Variants in ATOX1 observed in about 807,000 individuals in gnomAD.
ATOX1 encodes antioxidant 1 copper chaperone, also known as copper transport protein ATOX1.
Under a neutral mutation model 7.3 loss-of-function variants are expected in ATOX1, and 4 were observed. The ratio of observed to expected loss-of-function variants is 0.55; its 90% CI spans 0.27 to 1.25. The LOEUF (loss-of-function observed/expected upper bound fraction) is 1.25. Ranked by LOEUF, ATOX1 falls within the 50% of genes most tolerant of loss-of-function variation. The pLI is 0.12. For synonymous variants in ATOX1, 25 were observed against 28.7 expected (o/e 0.87, Z 0.41); for missense variants, 68 against 81.6 (o/e 0.83, Z 0.64).
rs1171452597 is a variant in ATOX1, at chr5:151,758,567, G to A, written c.-16C>T. 7 of 1,415,916 alleles carry A rather than the reference G, an allele frequency of 4.9e-6. No homozygotes were observed. Among genetic ancestry groups the A allele is most frequent in the Non-Finnish European group, 6.5e-6 (7 of 1,078,726 alleles). 87.7% of individuals were successfully genotyped at this position (1,415,916 alleles called of 1,614,324 possible). Reference sequence around the variant, plus strand: ...TCACCGGCATGACTGAGGCAGCGGCGGTGTGGCGGCGGTGTGGCGGCGGTG... The same window carrying A: ...TCACCGGCATGACTGAGGCAGCGGCAGTGTGGCGGCGGTGTGGCGGCGGTG... On this transcript the variant is annotated 5_prime_UTR_variant, in exon 1 of 4. Transcript: ENST00000313115.
intron 1 of ATOX1, among the ~76,000 whole-genome samples, chr5:151,757,856 A>G (rs1309937026): frequency 6.6e-6 from 1 of 152,198 alleles, no homozygotes; most frequent in African/African-American, 2.4e-5. Flanking sequence ...TCTTTATATA[A>G]AAAACGAGGC....
chr5:151,746,620 T>C (rs1761882652), intron 2 of ATOX1, 171 bp from the exon 3 acceptor site: 1 of 743,150 alleles, frequency 1.3e-6, no homozygotes, highest in Non-Finnish European at 2.2e-6. Context: ...GTTTTAGGCA[T>C]TGTGGGTCAC....
At chr5:151,756,177 T>G (rs1240599325) in intron 1 of ATOX1, among the ~76,000 whole-genome samples, 1 of 152,014 alleles carries the variant, frequency 6.6e-6, no homozygotes, top group South Asian at 2.1e-4. Flanking sequence ...GTCCTGACTT[T>G]GTGATCTGCC....
At chr5:151,752,524 C>T (rs564123291) in intron 1 of ATOX1, 1 of 605,546 alleles carries the variant, frequency 1.7e-6, no homozygotes, top group East Asian at 2.8e-5. Flanking sequence ...CAGTTCACTA[C>T]TGGATTCCTA....
chr5:151,754,495 C>T (rs1199280552), intron 1 of ATOX1, among the ~76,000 whole-genome samples: 3 of 152,022 alleles, frequency 2.0e-5, no homozygotes, highest in Non-Finnish European at 4.4e-5. Context: ...TGCCTGTAAT[C>T]CCAGCTACTT....
At chr5:151,752,857 C>T (rs929763841) in intron 1 of ATOX1, among the ~76,000 whole-genome samples, 7 of 152,024 alleles carry the variant, frequency 4.6e-5, no homozygotes, top group African/African-American at 9.7e-5. Context: ...ATTTTAAGTA[C>T]GGTTAGCCAG....
intron 1 of ATOX1, chr5:151,752,282 T>C (rs192668651): frequency 1.4e-6 from 1 of 702,484 alleles, no homozygotes; most frequent in South Asian, 1.5e-5. Context: ...GAATCTGTTA[T>C]GTCTACTCAT....
intron 2 of ATOX1, among the ~76,000 whole-genome samples, chr5:151,750,089 G>C (rs532900890): frequency 2.6e-5 from 4 of 152,126 alleles, no homozygotes; most frequent in Non-Finnish European, 5.9e-5. Context: ...AAAAAGAAAA[G>C]AAAAAATCTT....
intron 1 of ATOX1, among the ~76,000 whole-genome samples, chr5:151,758,280 T>G (rs1762039991): frequency 6.6e-6 from 1 of 152,246 alleles, no homozygotes. Flanking sequence ...TGTTTCTCTG[T>G]GTACGCAGGG....
At chr5:151,754,091 A>G (rs1474855642) in intron 1 of ATOX1, 1 of 152,240 alleles carries the variant, frequency 6.6e-6, no homozygotes, top group Admixed American at 6.5e-5. Flanking sequence ...ACAGACAGCA[A>G]CAATAACAGA....
At chr5:151,746,974 T>A (rs1193325697) in intron 2 of ATOX1, among the ~76,000 whole-genome samples, 3 of 152,078 alleles carry the variant, frequency 2.0e-5, no homozygotes, top group African/African-American at 7.2e-5. Flanking sequence ...TCTCAAGTGA[T>A]CTGCCCGCCT....
rs1478422220 is a variant in ATOX1 at position 151,743,174 on chromosome 5, A to T, written c.*47-215T>A. ...CCAGCCCTGCACACTGCTCCCATGA[A>T]GTCTGTTATACTTAGGTTGGCTGGA... On this transcript the variant is annotated intron_variant, in intron 3 of 3. Coordinates refer to ENST00000313115, the MANE Select transcript of ATOX1 (RefSeq NM_004045.4). 3 of 152,238 alleles carry T rather than the reference A, an allele frequency of 2.0e-5. No homozygotes were observed. The East Asian group carries it at 5.8e-4, about 29-fold the overall frequency. The allele number at this position is 152,238 out of a possible 1,614,324, so 9.4% of individuals were successfully genotyped here. A position where few individuals can be genotyped will look rare whatever the true frequency, so the allele number is the denominator to read the frequency against.
At chr5:151,750,420 C>T (rs937434658) in intron 2 of ATOX1, among the ~76,000 whole-genome samples, 3 of 150,724 alleles carry the variant, frequency 2.0e-5, no homozygotes, top group African/African-American at 7.3e-5. Context: ...CACCGGAAAT[C>T]GCCTGAACCC....
chr5:151,756,004 C>T (rs559837525), intron 1 of ATOX1, among the ~76,000 whole-genome samples: 12 of 148,254 alleles, frequency 8.1e-5, no homozygotes, highest in East Asian at 2.0e-4. Flanking sequence ...TGCAGTGGCA[C>T]GATCTCAGCT....
intron 2 of ATOX1, among the ~76,000 whole-genome samples, chr5:151,750,399 G>C (rs1204275365): frequency 1.3e-5 from 2 of 150,960 alleles, no homozygotes; most frequent in African/African-American, 4.9e-5. Flanking sequence ...TCTATGAAAA[G>C]TACAAAAATT....
chr5:151,748,408 CTG>C (rs1761904275), intron 2 of ATOX1, among the ~76,000 whole-genome samples: 1 of 152,076 alleles, frequency 6.6e-6, no homozygotes, highest in Admixed American at 6.6e-5. Context: ...TGCCATCAGT[CTG>C]TGATTCCTCA....
At chr5:151,743,108 C>T (rs1401039581) in intron 3 of ATOX1, 149 bp from the exon 4 acceptor site, 3 of 152,356 alleles carry the variant, frequency 2.0e-5, no homozygotes, top group South Asian at 2.1e-4. Context: ...AGGTGGAAAA[C>T]GCAGGGTGCA....
chr5:151,750,644 C>CTTTTTTTTTTTTTT (rs34586233), intron 2 of ATOX1, among the ~76,000 whole-genome samples: 67 of 100,308 alleles, frequency 6.7e-4, no homozygotes, highest in Middle Eastern at 5.4e-3. Flanking sequence ...TTTTTTCTTT[C>CTTTTTTTTTTTTTT]TTTTTTTTTT....
chr5:151,755,290 T>C (rs1325512354), intron 1 of ATOX1, among the ~76,000 whole-genome samples: 2 of 152,228 alleles, frequency 1.3e-5, no homozygotes, highest in Non-Finnish European at 2.9e-5. Flanking sequence ...ATTATCTTTG[T>C]ACAGTATCTA....
Sources: gnomAD v4.1 joint callset for allele counts (sites outside exome capture counted in the v4.1 genomes callset) on GRCh38, gnomAD v4.1.1 for gene constraint, MANE v1.5 for transcripts, NCBI Gene and HGNC (gene_info 2026-07-23, HGNC 2026-07-21) for gene names.